The following INSR variants were observed in gnomAD, a reference collection of about 807,000 sequenced individuals.
The protein encoded by INSR is IR.
INSR carries 67 observed loss-of-function variants against 142.6 expected under a neutral mutation model. That is an observed-to-expected ratio of 0.47 (90% CI 0.39 to 0.58). INSR has a LOEUF of 0.58. INSR is among the 20% of genes least tolerant of loss of function. INSR has a pLI of 0.00. For synonymous variants in INSR, 756 were observed against 743.1 expected (o/e 1.02, Z -0.28); for missense variants, 1,248 against 1,833.2 (o/e 0.68, Z 5.83).
intron 2 of INSR, among the ~76,000 whole-genome samples, chr19:7,233,293 C>T (rs532092091): frequency 2.6e-5 from 4 of 152,296 alleles, no homozygotes; most frequent in African/African-American, 9.6e-5. Flanking sequence ...CATGCCCAGC[C>T]TGTGATACCT....
intron 2 of INSR, among the ~76,000 whole-genome samples, chr19:7,198,275 G>T (rs1974847573): frequency 6.6e-6 from 1 of 151,464 alleles, no homozygotes; most frequent in Non-Finnish European, 1.5e-5. Flanking sequence ...CCCCCCGGGT[G>T]CGCCGGGCTC....
intron 2 of INSR, among the ~76,000 whole-genome samples, chr19:7,257,892 C>T (rs1217688762): frequency 2.0e-5 from 3 of 152,100 alleles, no homozygotes; most frequent in African/African-American, 7.2e-5. Flanking sequence ...GCGCAATCTC[C>T]ACTCATTGCA....
At chr19:7,264,011 A>C (rs1456057199) in intron 2 of INSR, among the ~76,000 whole-genome samples, 1 of 152,136 alleles carries the variant, frequency 6.6e-6, no homozygotes, top group Non-Finnish European at 1.5e-5. Flanking sequence ...CTCTACTAAA[A>C]ATACAAAATT....
chr19:7,132,368 G>C (rs1213120029), intron 13 of INSR, 51 bp from the exon 14 acceptor site: 1 of 1,594,468 alleles, frequency 6.3e-7, no homozygotes, highest in South Asian at 1.1e-5. Context: ...TGCACATCTG[G>C]GAGTGTCCAC....
At chr19:7,240,841 A>T (rs1450096805) in intron 2 of INSR, among the ~76,000 whole-genome samples, 3 of 152,210 alleles carry the variant, frequency 2.0e-5, no homozygotes, top group African/African-American at 4.8e-5. Context: ...TGTGTATAAG[A>T]TGTACATGAA....
chr19:7,140,451 G>T (rs756832105), intron 13 of INSR, among the ~76,000 whole-genome samples: 1 of 152,118 alleles, frequency 6.6e-6, no homozygotes, highest in Admixed American at 6.6e-5. Context: ...ATCTGGCCAC[G>T]GAGTCAAACA....
intron 2 of INSR, among the ~76,000 whole-genome samples, chr19:7,251,694 G>A (rs1183038495): frequency 6.6e-6 from 1 of 151,942 alleles, no homozygotes; most frequent in African/African-American, 2.4e-5. Flanking sequence ...GAAGAGGCCT[G>A]TGACTAGGAT....
intron 11 of INSR, among the ~76,000 whole-genome samples, chr19:7,145,112 CT>C (rs1240484515): frequency 6.6e-6 from 1 of 151,950 alleles, no homozygotes; most frequent in Non-Finnish European, 1.5e-5. Context: ...CCCTCCTTGT[CT>C]TTTGTCTGTT....
chr19:7,114,878 TAAG>T lies in INSR; in HGVS notation c.*2175_*2177del, dbSNP rs968005455. 6.6e-6 allele frequency: 1 copy of T among 150,982 alleles called. No individual in the cohort carries two copies. The highest frequency in any genetic ancestry group is 2.4e-5 in the African/African-American group (1 of 40,958). 9.4% of individuals were successfully genotyped at this position (150,982 alleles called of 1,614,324 possible). A position where few individuals can be genotyped will look rare whatever the true frequency, so the allele number is the denominator to read the frequency against. ...TAGTATACAACCACTACAAATTTACTAAGAAGAGAACAAAATACCTAGTTCTAC... is the reference window on the plus strand; with the variant it reads ...TAGTATACAACCACTACAAATTTACTAAGAGAACAAAATACCTAGTTCTAC... On this transcript the variant is annotated 3_prime_UTR_variant, in exon 22 of 22. Transcript: ENST00000302850.
intron 19 of INSR, among the ~76,000 whole-genome samples, chr19:7,121,242 A>G (rs1375969328): frequency 6.6e-6 from 1 of 150,958 alleles, no homozygotes; most frequent in Admixed American, 6.6e-5. Flanking sequence ...CAGGTAATCT[A>G]CCCACCTCAG....
intron 9 of INSR, among the ~76,000 whole-genome samples, chr19:7,155,540 C>CA (rs57822054): frequency 0.39 from 39,844 of 102,938 alleles, 7,593 homozygotes; most frequent in East Asian, 0.54. Context: ...TTCCATCTCT[C>CA]AAAAAAAAAA....
chr19:7,143,853 A>AAG, intron 11 of INSR, among the ~76,000 whole-genome samples: 1 of 152,260 alleles, frequency 6.6e-6, no homozygotes, highest in African/African-American at 2.4e-5. Context: ...TTAGGAGTTC[A>AAG]AGACCAGTCT....
intron 19 of INSR, among the ~76,000 whole-genome samples, chr19:7,121,066 T>C (rs939062724): frequency 6.6e-6 from 1 of 151,124 alleles, no homozygotes; most frequent in Non-Finnish European, 1.5e-5. Flanking sequence ...GGTGCAATCT[T>C]GGCTCACTGC....
At chr19:7,158,178 A>T (rs1338267101) in intron 9 of INSR, among the ~76,000 whole-genome samples, 4 of 151,696 alleles carry the variant, frequency 2.6e-5, no homozygotes, top group Admixed American at 2.6e-4. Flanking sequence ...GAAACATGGT[A>T]CACTGTGGTT....
intron 2 of INSR, among the ~76,000 whole-genome samples, chr19:7,197,882 CTG>C (rs1974821203): frequency 9.3e-6 from 1 of 107,180 alleles, no homozygotes; most frequent in African/African-American, 3.7e-5. Flanking sequence ...GCGTGTGTGT[CTG>C]TGCAGCCCCA....
chr19:7,114,004 T>C lies in INSR; in HGVS notation c.*3052A>G, dbSNP rs1972262810. 1 of 139,938 alleles carries C rather than the reference T, an allele frequency of 7.1e-6. No individual in the cohort carries two copies. Among genetic ancestry groups the C allele is most frequent in the Non-Finnish European group, 1.5e-5 (1 of 66,824 alleles). The allele number at this position is 139,938 out of a possible 1,614,324, so 8.7% of individuals were successfully genotyped here. ...TGCACAAGGTCCAATAATATCAGCT[T>C]GAGGTCAGTCAAACCCCAACACAGA... is the stretch of plus-strand genomic sequence containing the variant. On this transcript the variant is annotated 3_prime_UTR_variant, in exon 22 of 22. Coordinates refer to ENST00000302850, the MANE Select transcript of INSR (RefSeq NM_000208.4).
chr19:7,128,273 T>C (rs1031041419), intron 15 of INSR, among the ~76,000 whole-genome samples: 6 of 151,432 alleles, frequency 4.0e-5, no homozygotes, highest in African/African-American at 7.3e-5. Flanking sequence ...AATGCAATGG[T>C]GCGATTTCAG....
chr19:7,228,979 A>G (rs1053986574), intron 2 of INSR, among the ~76,000 whole-genome samples: 1 of 124,918 alleles, frequency 8.0e-6, no homozygotes, highest in South Asian at 3.1e-4. Context: ...GAGTAGACAG[A>G]AGGATGGATG....
chr19:7,213,358 A>C (rs1187330502), intron 2 of INSR, among the ~76,000 whole-genome samples: 17 of 137,360 alleles, frequency 1.2e-4, no homozygotes, highest in African/African-American at 3.6e-4. Flanking sequence ...AAAAAAAAAA[A>C]ACAAACAAAA....
Sources: gnomAD v4.1 joint callset for allele counts (sites outside exome capture counted in the v4.1 genomes callset) on GRCh38, gnomAD v4.1.1 for gene constraint, MANE v1.5 for transcripts, NCBI Gene and HGNC (gene_info 2026-07-23, HGNC 2026-07-21) for gene names.